Variants in ERBB4 observed in about 807,000 individuals in gnomAD.
ERBB4 encodes the protein receptor tyrosine-protein kinase erbB-4.
Under a neutral mutation model 158.0 loss-of-function variants are expected in ERBB4, and 42 were observed. The ratio of observed to expected loss-of-function variants is 0.27; its 90% CI spans 0.21 to 0.34. The LOEUF (loss-of-function observed/expected upper bound fraction) is 0.34. Among genes scored for constraint, ERBB4 ranks in the 10% least tolerant of loss-of-function variants. The pLI is 1.00. For synonymous variants in ERBB4, 583 were observed against 558.7 expected (o/e 1.04, Z -0.61); for missense variants, 1,333 against 1,624.1 (o/e 0.82, Z 3.08).
chr2:211,571,222 T>A (rs1015304632), intron 19 of ERBB4, among the ~76,000 whole-genome samples: 1 of 151,962 alleles, frequency 6.6e-6, no homozygotes, highest in Non-Finnish European at 1.5e-5. Flanking sequence ...TACCCGGGCT[T>A]TGGCTGTACC....
chr2:212,304,752 T>C lies in ERBB4; in HGVS notation c.83-179849A>G, dbSNP rs191563774. The stretch of plus-strand genomic sequence containing the variant: ...TCCTCAAGAACCTGAGCCCTTCTAG[T>C]AACTAAAAAAGCTAAAGTTCTTTAG... On this transcript the variant is annotated intron_variant, in intron 1 of 27. Transcript: ENST00000342788. Among the ~76,000 whole-genome samples the C allele has an allele frequency of 4.6e-5, 7 of 151,508 alleles. No individual in the cohort carries two copies. In the East Asian group the frequency reaches 1.4e-3, roughly 30 times the overall value.
chr2:212,249,804 C>A (rs2084461667), intron 1 of ERBB4, among the ~76,000 whole-genome samples: 1 of 151,956 alleles, frequency 6.6e-6, no homozygotes, highest in African/African-American at 2.4e-5. Context: ...AAGCTGACCT[C>A]AGAAACACTG....
intron 1 of ERBB4, among the ~76,000 whole-genome samples, chr2:212,395,388 A>T (rs2090994670): frequency 6.6e-6 from 1 of 151,714 alleles, no homozygotes; most frequent in Non-Finnish European, 1.5e-5. Context: ...AGCATTGATT[A>T]TATTATCAAA....
At chr2:212,493,728 T>C (rs1034515108) in intron 1 of ERBB4, among the ~76,000 whole-genome samples, 6 of 151,746 alleles carry the variant, frequency 4.0e-5, no homozygotes, top group African/African-American at 1.2e-4. Flanking sequence ...CTCATTAAAT[T>C]AAAACTTTTA....
intron 2 of ERBB4, among the ~76,000 whole-genome samples, chr2:212,055,948 C>T (rs2077551737): frequency 6.6e-6 from 1 of 152,188 alleles, no homozygotes; most frequent in African/African-American, 2.4e-5. Context: ...GACAAGTTGA[C>T]AGAAGAAGGC....
intron 4 of ERBB4, among the ~76,000 whole-genome samples, chr2:211,762,546 T>C (rs2075441864): frequency 6.6e-6 from 1 of 152,130 alleles, no homozygotes; most frequent in South Asian, 2.1e-4. Flanking sequence ...CAATGGTGGA[T>C]TAGTGAAGAA....
intron 1 of ERBB4, among the ~76,000 whole-genome samples, chr2:212,158,701 TGTGTCCACCACGA>T (rs1026023161): frequency 3.6e-4 from 55 of 152,150 alleles, no homozygotes; most frequent in African/African-American, 1.2e-3. Context: ...AATTCACTTT[TGTGTCCACCACGA>T]GCTAGCCCAA....
intron 19 of ERBB4, among the ~76,000 whole-genome samples, chr2:211,579,281 TAAA>T (rs2067985895): frequency 6.6e-6 from 1 of 152,044 alleles, no homozygotes; most frequent in Non-Finnish European, 1.5e-5. Flanking sequence ...TAGCGATTCT[TAAA>T]AAGTCAAGAA....
At chr2:212,081,138 C>A (rs143705776) in intron 2 of ERBB4, among the ~76,000 whole-genome samples, 1 of 152,044 alleles carries the variant, frequency 6.6e-6, no homozygotes, top group Non-Finnish European at 1.5e-5. Flanking sequence ...GAGCTGCAGA[C>A]GGTTATGTTA....
intron 1 of ERBB4, among the ~76,000 whole-genome samples, chr2:212,136,052 G>A (rs866879843): frequency 1.3e-5 from 2 of 152,126 alleles, no homozygotes; most frequent in Admixed American, 1.3e-4. Flanking sequence ...ATCCCCTCGT[G>A]TCTAATAAAA....
intron 2 of ERBB4, among the ~76,000 whole-genome samples, chr2:212,057,416 T>C (rs1054696840): frequency 6.6e-5 from 10 of 152,196 alleles, no homozygotes; most frequent in African/African-American, 2.4e-4. Context: ...AACTCAGCTC[T>C]GCACCAAGTG....
At chr2:212,484,310 T>C (rs1689865598) in intron 1 of ERBB4, among the ~76,000 whole-genome samples, 1 of 152,182 alleles carries the variant, frequency 6.6e-6, no homozygotes, top group Non-Finnish European at 1.5e-5. Flanking sequence ...TAGTAGTTAC[T>C]TCCTCTCCTT....
intron 2 of ERBB4, among the ~76,000 whole-genome samples, chr2:212,121,801 A>T (rs1356917382): frequency 6.6e-6 from 1 of 152,080 alleles, no homozygotes; most frequent in Admixed American, 6.5e-5. Flanking sequence ...ATTAACTCTG[A>T]TTCAGGGGCT....
chr2:211,763,189 C>A (rs1288400871), intron 4 of ERBB4, among the ~76,000 whole-genome samples: 1 of 151,996 alleles, frequency 6.6e-6, no homozygotes, highest in Admixed American at 6.6e-5. Flanking sequence ...TTTATCCTGT[C>A]AGAATAGTCA....
chr2:211,823,446 T>C (rs1411890304), intron 3 of ERBB4, among the ~76,000 whole-genome samples: 1 of 151,832 alleles, frequency 6.6e-6, no homozygotes, highest in Non-Finnish European at 1.5e-5. Context: ...TATAAAATAT[T>C]CATTTTATAT....
chr2:212,497,446 C>T (rs1330571309), intron 1 of ERBB4, among the ~76,000 whole-genome samples: 1 of 152,074 alleles, frequency 6.6e-6, no homozygotes, highest in Non-Finnish European at 1.5e-5. Context: ...CATTCATTAA[C>T]TTAGACACTA....
chr2:211,925,863 G>A (rs967233875), intron 3 of ERBB4, among the ~76,000 whole-genome samples: 5 of 151,898 alleles, frequency 3.3e-5, no homozygotes, highest in African/African-American at 9.7e-5. Context: ...TGTGTCTAGA[G>A]TGCAATTTAT....
intron 20 of ERBB4, among the ~76,000 whole-genome samples, chr2:211,551,315 G>A (rs1365490690): frequency 6.6e-6 from 1 of 152,070 alleles, no homozygotes; most frequent in Non-Finnish European, 1.5e-5. Context: ...CAGTAAAAAT[G>A]ATAAATAATA....
intron 20 of ERBB4, among the ~76,000 whole-genome samples, chr2:211,513,580 T>C (rs971713703): frequency 1.3e-4 from 20 of 152,038 alleles, no homozygotes; most frequent in Admixed American, 1.2e-3. Context: ...CCCTGCAAGG[T>C]GTAATAGCAT....
Sources: gnomAD v4.1 joint callset for allele counts (sites outside exome capture counted in the v4.1 genomes callset) on GRCh38, gnomAD v4.1.1 for gene constraint, MANE v1.5 for transcripts, NCBI Gene and HGNC (gene_info 2026-07-23, HGNC 2026-07-21) for gene names.